Variants in CDC42BPA observed in about 807,000 individuals in gnomAD.
CDC42BPA encodes CDC42 binding protein kinase alpha.
CDC42BPA carries 80 observed loss-of-function variants against 223.5 expected under a neutral mutation model. The observed-to-expected ratio is 0.36, with a 90% CI of 0.30 to 0.43. The LOEUF (loss-of-function observed/expected upper bound fraction) is 0.43. Among genes scored for constraint, CDC42BPA ranks in the 20% least tolerant of loss-of-function variants. CDC42BPA has a pLI of 1.00. For synonymous variants in CDC42BPA, 694 were observed against 718.6 expected (o/e 0.97, Z 0.55); for missense variants, 1,743 against 2,099.9 (o/e 0.83, Z 3.32).
At chr1:227,310,180 C>T (rs1454102860) in intron 1 of CDC42BPA, among the ~76,000 whole-genome samples, 2 of 152,212 alleles carry the variant, frequency 1.3e-5, no homozygotes, top group African/African-American at 2.4e-5. Context: ...GAAAAAAAGC[C>T]TATTCCATAG....
chr1:227,113,797 G>C (rs1206779605), intron 12 of CDC42BPA, among the ~76,000 whole-genome samples: 2 of 150,920 alleles, frequency 1.3e-5, no homozygotes, highest in Admixed American at 1.3e-4. Context: ...AGGATTGCTT[G>C]AGCCAAGGAG....
chr1:227,052,824 A>G (rs562529816), intron 21 of CDC42BPA, among the ~76,000 whole-genome samples: 178 of 152,344 alleles, frequency 1.2e-3, no homozygotes, highest in African/African-American at 4.1e-3. Context: ...TACTATGGCT[A>G]TATTTTAGAG....
chr1:227,231,333 T>C (rs1677919462), intron 2 of CDC42BPA, among the ~76,000 whole-genome samples: 1 of 152,136 alleles, frequency 6.6e-6, no homozygotes, highest in Non-Finnish European at 1.5e-5. Context: ...TATGGCTGCA[T>C]AGTATTCCAT....
intron 29 of CDC42BPA, among the ~76,000 whole-genome samples, chr1:227,029,561 C>G (rs1052410454): frequency 7.6e-4 from 116 of 152,248 alleles, no homozygotes; most frequent in African/African-American, 2.7e-3. Context: ...CCATAGGATT[C>G]CCATTTTTAA....
chr1:227,040,176 TAC>T lies in CDC42BPA; in HGVS notation c.3152_3153del (p.Cys1051TyrfsTer15). The T allele has an allele frequency of 6.2e-7, 1 of 1,613,238 alleles. No individual in the cohort carries two copies. The highest frequency in any genetic ancestry group is 8.5e-7 in the Non-Finnish European group (1 of 1,179,314). On this transcript the variant is annotated frameshift_variant, in exon 24 of 37. Coordinates refer to ENST00000366766, the MANE Select transcript of CDC42BPA (RefSeq NM_001394014.1). LOFTEE classifies it high-confidence loss of function. ...CTTATTAAACCCACCATCAAGGAGG[TAC>T]ACTGATGACACTTGGTAGGAGTAGT... ...SFTTPTKCHQCTSLMVGLIRQ... is the reference protein window; with the variant it reads ...SFTTPTKCHQXTSLMVGLIRQ...
chr1:227,149,036 A>G (rs1249977317), intron 6 of CDC42BPA, among the ~76,000 whole-genome samples: 1 of 152,134 alleles, frequency 6.6e-6, no homozygotes, highest in African/African-American at 2.4e-5. Flanking sequence ...CCTTATCCTT[A>G]GCTTACATGA....
chr1:227,086,166 C>T (rs1425077265), intron 16 of CDC42BPA, among the ~76,000 whole-genome samples: 1 of 152,132 alleles, frequency 6.6e-6, no homozygotes, highest in Non-Finnish European at 1.5e-5. Context: ...CAGAATTTCA[C>T]TCCTTTTTAC....
At chr1:227,052,698 A>G (rs1344039492) in intron 21 of CDC42BPA, among the ~76,000 whole-genome samples, 2 of 152,196 alleles carry the variant, frequency 1.3e-5, no homozygotes, top group East Asian at 3.9e-4. Flanking sequence ...TGGTTCAGGA[A>G]CTTACTTTGA....
rs1005177114 is a variant in CDC42BPA, at chr1:227,051,872, A to G, written c.3009+9T>C. Reference sequence around the variant, plus strand: ...AAAGTTGGGGAGCAGGGATGCTCCAATAAGGCACCTTAACTGGCTCAGCTT... The same window carrying G: ...AAAGTTGGGGAGCAGGGATGCTCCAGTAAGGCACCTTAACTGGCTCAGCTT... On this transcript the variant is annotated intron_variant, in intron 22 of 36. Coordinates refer to ENST00000366766, the MANE Select transcript of CDC42BPA (RefSeq NM_001394014.1). 9.6e-6 allele frequency: 13 copies of G among 1,357,860 alleles called. No individual in the cohort carries two copies. The highest frequency in any genetic ancestry group is 1.9e-5 in the Admixed American group (1 of 52,496). 84.1% of individuals were successfully genotyped at this position (1,357,860 alleles called of 1,614,324 possible). A position where few individuals can be genotyped will look rare whatever the true frequency, so the allele number is the denominator to read the frequency against.
At chr1:227,062,952 G>A (rs1676236361) in intron 21 of CDC42BPA, among the ~76,000 whole-genome samples, 1 of 151,810 alleles carries the variant, frequency 6.6e-6, no homozygotes, top group Admixed American at 6.6e-5. Context: ...CTAAAAACAA[G>A]TTAAAATGTC....
At chr1:227,016,835 C>T (rs1666372571) in intron 33 of CDC42BPA, 92 bp downstream of exon 33, 2 of 1,280,750 alleles carry the variant, frequency 1.6e-6, no homozygotes, top group Non-Finnish European at 2.1e-6. Flanking sequence ...TTCAGATACC[C>T]AATTTTCCTT....
chr1:227,179,659 A>AAAAAAG (rs1216438998), intron 5 of CDC42BPA, among the ~76,000 whole-genome samples: 7 of 146,980 alleles, frequency 4.8e-5, no homozygotes, highest in African/African-American at 1.8e-4. Flanking sequence ...AAAAAAAAAA[A>AAAAAAG]AGCTATTTTA....
intron 5 of CDC42BPA, among the ~76,000 whole-genome samples, chr1:227,177,418 T>C (rs946679238): frequency 6.6e-6 from 1 of 152,202 alleles, no homozygotes; most frequent in African/African-American, 2.4e-5. Context: ...TCTGAAGATG[T>C]TAATTACCTT....
intron 19 of CDC42BPA, among the ~76,000 whole-genome samples, chr1:227,072,888 G>C (rs1437633989): frequency 1.3e-5 from 2 of 151,930 alleles, no homozygotes; most frequent in African/African-American, 4.8e-5. Context: ...CTTTATGCTG[G>C]GATCAATTCA....
intron 2 of CDC42BPA, among the ~76,000 whole-genome samples, chr1:227,243,614 G>C (rs1160945977): frequency 6.6e-6 from 1 of 152,042 alleles, no homozygotes; most frequent in Admixed American, 6.6e-5. Context: ...TGACCTTGAG[G>C]TTAGAAAAAA....
intron 14 of CDC42BPA, among the ~76,000 whole-genome samples, chr1:227,104,639 A>T (rs1003526798): frequency 6.6e-6 from 1 of 152,176 alleles, no homozygotes; most frequent in African/African-American, 2.4e-5. Flanking sequence ...ATGTAACCTT[A>T]TTTTAAAATA....
intron 2 of CDC42BPA, among the ~76,000 whole-genome samples, chr1:227,223,156 T>C (rs960072323): frequency 6.6e-6 from 1 of 151,628 alleles, no homozygotes; most frequent in East Asian, 2.0e-4. Flanking sequence ...GGCTGACACC[T>C]GAGTCTTACA....
At chr1:227,266,674 AC>A (rs1355400374) in intron 1 of CDC42BPA, among the ~76,000 whole-genome samples, 1 of 152,206 alleles carries the variant, frequency 6.6e-6, no homozygotes, top group Non-Finnish European at 1.5e-5. Context: ...CGTTTGTGGC[AC>A]TTTTTCTCAA....
In CDC42BPA at chr1:227,190,673, T is replaced by A. The variant is rs535233544; in HGVS notation, c.599+3113A>T. Among the ~76,000 whole-genome samples the A allele has an allele frequency of 1.1e-4, 17 of 152,334 alleles. No homozygotes were observed. The South Asian group carries it at 3.3e-3, about 30-fold the overall frequency. On this transcript the variant is annotated intron_variant, in intron 5 of 36. Coordinates refer to ENST00000366766, the MANE Select transcript of CDC42BPA (RefSeq NM_001394014.1). ...CAACTATATGCTATACCCACTTACT[T>A]ACAATTCCACATAGTTTAGCACAAT...
Sources: allele counts gnomAD v4.1 joint callset (sites outside exome capture counted in the v4.1 genomes callset), GRCh38; gene constraint gnomAD v4.1.1; transcripts MANE v1.5; gene names NCBI Gene and HGNC (gene_info 2026-07-23, HGNC 2026-07-21).